DLG2: variants seen among roughly 807,000 people sequenced by gnomAD.
DLG2 encodes disks large homolog 2.
Under a neutral mutation model 132.5 loss-of-function variants are expected in DLG2, and 45 were observed. That is an observed-to-expected ratio of 0.34 (90% CI 0.27 to 0.44). The LOEUF is 0.44. Among genes scored for constraint, DLG2 ranks in the 20% least tolerant of loss-of-function variants. DLG2 has a pLI of 1.00. For synonymous variants in DLG2, 424 were observed against 419.6 expected (o/e 1.01, Z -0.13); for missense variants, 1,045 against 1,196.9 (o/e 0.87, Z 1.87).
intron 3 of DLG2, among the ~76,000 whole-genome samples, chr11:85,588,981 T>C (rs1319212635): frequency 1.3e-5 from 2 of 152,140 alleles, no homozygotes; most frequent in Admixed American, 6.5e-5. Flanking sequence ...GGCTCCGAGC[T>C]GGTGCTGGGG....
intron 18 of DLG2, among the ~76,000 whole-genome samples, chr11:83,769,560 CTTTTTTTTTT>C (rs143446772): frequency 8.1e-6 from 1 of 124,058 alleles, no homozygotes; most frequent in African/African-American, 3.0e-5. Context: ...ACTCTAGCTT[CTTTTTTTTTT>C]TTTTTTTTTT....
At chr11:84,998,844 T>C (rs2057939367) in intron 6 of DLG2, among the ~76,000 whole-genome samples, 1 of 152,082 alleles carries the variant, frequency 6.6e-6, no homozygotes, top group African/African-American at 2.4e-5. Context: ...AAAGCCCCAG[T>C]TCTTGGGTAT....
intron 6 of DLG2, among the ~76,000 whole-genome samples, chr11:84,822,942 C>T (rs1322199459): frequency 6.6e-6 from 1 of 151,770 alleles, no homozygotes; most frequent in African/African-American, 2.4e-5. Flanking sequence ...CCTTTGAAGA[C>T]AGATAATATA....
chr11:84,818,937 T>TCATTAA (rs901906192), intron 6 of DLG2, among the ~76,000 whole-genome samples: 1 of 151,646 alleles, frequency 6.6e-6, no homozygotes. Context: ...CAGTCCATTA[T>TCATTAA]CATCATTGCT....
At chr11:84,215,992 G>A (rs1475232935) in intron 8 of DLG2, among the ~76,000 whole-genome samples, 1 of 152,128 alleles carries the variant, frequency 6.6e-6, no homozygotes, top group Admixed American at 6.6e-5. Flanking sequence ...CTGCAATTTA[G>A]TGGCTTAAAA....
At chr11:85,395,789 G>C (rs926837776) in intron 3 of DLG2, among the ~76,000 whole-genome samples, 3 of 152,228 alleles carry the variant, frequency 2.0e-5, no homozygotes, top group African/African-American at 7.2e-5. Context: ...GCCCACCACA[G>C]CTCAGCAAGG....
intron 7 of DLG2, among the ~76,000 whole-genome samples, chr11:84,360,137 C>T (rs190986461): frequency 6.6e-6 from 1 of 151,718 alleles, no homozygotes; most frequent in Admixed American, 6.6e-5. Flanking sequence ...AATAAATATG[C>T]CTCTGAAGGG....
At chr11:84,125,080 C>T (rs911951960) in intron 9 of DLG2, among the ~76,000 whole-genome samples, 5 of 151,954 alleles carry the variant, frequency 3.3e-5, no homozygotes, top group African/African-American at 1.2e-4. Flanking sequence ...GAACTCACGA[C>T]CTCAGGTGAT....
intron 3 of DLG2, among the ~76,000 whole-genome samples, chr11:85,596,951 A>T (rs1645921809): frequency 2.6e-5 from 4 of 152,346 alleles, no homozygotes; most frequent in Admixed American, 2.6e-4. Context: ...TTATCCTAAA[A>T]TGACTTTTAA....
chr11:84,302,287 G>T (rs748561132), intron 7 of DLG2, among the ~76,000 whole-genome samples: 1 of 152,176 alleles, frequency 6.6e-6, no homozygotes, highest in East Asian at 1.9e-4. Flanking sequence ...CATGGCACGC[G>T]TATACCTATG....
At chr11:84,922,887 C>CA (rs2092823417) in intron 6 of DLG2, among the ~76,000 whole-genome samples, 2 of 151,348 alleles carry the variant, frequency 1.3e-5, no homozygotes, top group South Asian at 4.2e-4. Context: ...GGTCACTTCA[C>CA]AGCAGCGTTC....
At chr11:85,525,233 TA>T (rs1258433735) in intron 3 of DLG2, among the ~76,000 whole-genome samples, 1 of 152,206 alleles carries the variant, frequency 6.6e-6, no homozygotes, top group Non-Finnish European at 1.5e-5. Context: ...ACAATTTTTT[TA>T]GTAAGAAAAT....
chr11:84,385,225 T>A (rs939765338), intron 7 of DLG2, among the ~76,000 whole-genome samples: 6 of 152,084 alleles, frequency 3.9e-5, no homozygotes, highest in Non-Finnish European at 7.4e-5. Flanking sequence ...AAAATTTTTT[T>A]AATCTCTTTA....
chr11:84,051,671 T>C (rs1594123081), intron 11 of DLG2, among the ~76,000 whole-genome samples: 1 of 150,302 alleles, frequency 6.7e-6, no homozygotes, highest in African/African-American at 2.4e-5. Flanking sequence ...ATACCTAATG[T>C]TAAATGACGA....
chr11:85,442,011 A>G (rs1363275371), intron 3 of DLG2, among the ~76,000 whole-genome samples: 1 of 152,122 alleles, frequency 6.6e-6, no homozygotes, highest in African/African-American at 2.4e-5. Context: ...TCCAGAGGAA[A>G]GTATCCCATA....
intron 6 of DLG2, among the ~76,000 whole-genome samples, chr11:84,994,821 G>T (rs1452612758): frequency 6.6e-6 from 1 of 152,154 alleles, no homozygotes; most frequent in Non-Finnish European, 1.5e-5. Context: ...AACCAGCCTT[G>T]TGTTTCCTGG....
At chr11:84,713,861 G>A (rs551491567) in intron 6 of DLG2, among the ~76,000 whole-genome samples, 3 of 152,050 alleles carry the variant, frequency 2.0e-5, no homozygotes, top group East Asian at 3.9e-4. Context: ...ATTTTTAATA[G>A]TAGAAAATTT....
intron 7 of DLG2, among the ~76,000 whole-genome samples, chr11:84,270,227 T>C (rs1448603581): frequency 6.6e-6 from 1 of 152,242 alleles, no homozygotes; most frequent in African/African-American, 2.4e-5. Flanking sequence ...CTTTTTATTA[T>C]TCATGCATTT....
rs76570927 is a variant in DLG2, at chr11:83,652,870, A to G, written c.1826-19545T>C. ...TTCGACCCTTTTTGTTGAGTTTCAT[A>G]TCCCACCAAGTTGTACATTACTAGC... On this transcript the variant is annotated intron_variant, in intron 18 of 27. Coordinates refer to ENST00000376104, the MANE Select transcript of DLG2 (RefSeq NM_001142699.3). 7.1e-3 allele frequency among the ~76,000 whole-genome samples: 1,074 copies of G among 152,286 alleles called. 9 individuals are homozygous for G. Among genetic ancestry groups the G allele is most frequent in the African/African-American group, 0.024 (1,012 of 41,540 alleles).
Sources: allele counts gnomAD v4.1 joint callset (sites outside exome capture counted in the v4.1 genomes callset), GRCh38; gene constraint gnomAD v4.1.1; transcripts MANE v1.5; gene names NCBI Gene and HGNC (gene_info 2026-07-23, HGNC 2026-07-21).